The following UTP4 variants were observed in gnomAD, a reference collection of about 807,000 sequenced individuals.
UTP4 encodes the protein UTP4 small subunit processome component.
In UTP4, 45 loss-of-function variants were observed where a neutral mutation model predicts 82.4. The ratio of observed to expected loss-of-function variants is 0.55; its 90% CI spans 0.43 to 0.70. The LOEUF (loss-of-function observed/expected upper bound fraction) is 0.70, where lower values mean the gene tolerates loss of function less well. UTP4 is among the 30% of genes least tolerant of loss of function. UTP4 has a pLI of 0.00. For synonymous variants in UTP4, 348 were observed against 300.3 expected (o/e 1.16, Z -1.64); for missense variants, 819 against 858.3 (o/e 0.95, Z 0.57).
chr16:69,156,923 G>T (rs1247002938), intron 11 of UTP4, among the ~76,000 whole-genome samples, 161 bp from the exon 12 acceptor site: 1 of 152,192 alleles, frequency 6.6e-6, no homozygotes, highest in South Asian at 2.1e-4. Flanking sequence ...GATGAAAGGG[G>T]GATGTATAGA....
chr16:69,162,942 A>G (rs1208920133), intron 13 of UTP4, 141 bp from the exon 14 acceptor site: 1 of 744,020 alleles, frequency 1.3e-6, no homozygotes, highest in Admixed American at 1.9e-5. Context: ...GGTTGGGGAA[A>G]TGCCTGAAAT....
At chr16:69,150,966 C>T in intron 8 of UTP4, 62 bp downstream of exon 8, 4 of 1,301,542 alleles carry the variant, frequency 3.1e-6, no homozygotes, top group South Asian at 1.2e-5. Flanking sequence ...TCCCCCTGTC[C>T]CACAAGCTCT....
chr16:69,148,612 A>G (rs901484172), intron 6 of UTP4, among the ~76,000 whole-genome samples: 2 of 142,160 alleles, frequency 1.4e-5, no homozygotes, highest in Non-Finnish European at 3.1e-5. Flanking sequence ...TATCTTCATT[A>G]CTTTTTTTTT....
chr16:69,167,853 A>T (rs1300805063), intron 16 of UTP4: 3 of 152,114 alleles, frequency 2.0e-5, no homozygotes, highest in Admixed American at 6.6e-5. Context: ...AAAAAAAAAA[A>T]AAATATAAAA....
chr16:69,137,728 G>T (rs1039544664), intron 3 of UTP4, 73 bp from the exon 4 acceptor site: 60 of 655,630 alleles, frequency 9.2e-5, no homozygotes, highest in Non-Finnish European at 1.4e-4. Context: ...GTGTTGGGGG[G>T]TGTGTGTGTG....
chr16:69,150,763 C>G (rs753215941), intron 7 of UTP4, 50 bp from the exon 8 acceptor site: 1 of 1,613,468 alleles, frequency 6.2e-7, no homozygotes, highest in South Asian at 1.1e-5. Context: ...TCTGGCTGTT[C>G]TCGTGAGGAT....
intron 8 of UTP4, 27 bp from the exon 9 acceptor site, chr16:69,153,553 ATTTT>A: frequency 6.4e-7 from 1 of 1,557,134 alleles, no homozygotes; most frequent in Non-Finnish European, 8.8e-7. Flanking sequence ...ACCCTGACTT[ATTTT>A]TTTAACTTCT....
intron 12 of UTP4, among the ~76,000 whole-genome samples, chr16:69,158,234 C>G (rs141490423): frequency 8.4e-6 from 1 of 118,736 alleles, no homozygotes; most frequent in South Asian, 3.0e-4. Flanking sequence ...TGCAGTGGTG[C>G]GATCATGGCT....
At chr16:69,160,899 C>G (rs1009027996) in intron 13 of UTP4, among the ~76,000 whole-genome samples, 4 of 151,982 alleles carry the variant, frequency 2.6e-5, no homozygotes, top group Non-Finnish European at 2.9e-5. Context: ...CCTGGCCAGA[C>G]TTTTTTCTTT....
At chr16:69,138,034 C>T in intron 4 of UTP4, 149 bp downstream of exon 4, 2 of 663,526 alleles carry the variant, frequency 3.0e-6, no homozygotes, top group African/African-American at 1.8e-5. Flanking sequence ...CCATCCCCAG[C>T]CCAGGCTTTA....
intron 6 of UTP4, among the ~76,000 whole-genome samples, chr16:69,146,414 C>G (rs1466665251): frequency 6.6e-5 from 10 of 152,180 alleles, no homozygotes; most frequent in Admixed American, 6.5e-4. Context: ...GCTTATTTTA[C>G]TTAGCATATT....
intron 6 of UTP4, among the ~76,000 whole-genome samples, chr16:69,146,770 G>C (rs1439833588): frequency 1.3e-5 from 2 of 151,948 alleles, no homozygotes; most frequent in Non-Finnish European, 2.9e-5. Context: ...GCCGAGGCGG[G>C]TGGATCACGA....
intron 6 of UTP4, among the ~76,000 whole-genome samples, chr16:69,147,535 G>A (rs1227425592): frequency 2.0e-5 from 3 of 151,872 alleles, no homozygotes; most frequent in Non-Finnish European, 4.4e-5. Context: ...AAATAATAAT[G>A]CTACTCTGAA....
At chr16:69,142,963 C>T (rs1216333772) in intron 5 of UTP4, among the ~76,000 whole-genome samples, 2 of 152,162 alleles carry the variant, frequency 1.3e-5, no homozygotes, top group Admixed American at 1.3e-4. Flanking sequence ...ACCAGAACTA[C>T]CATTTATAGG....
chr16:69,138,753 A>G (rs1396129525), intron 4 of UTP4, among the ~76,000 whole-genome samples: 1 of 152,194 alleles, frequency 6.6e-6, no homozygotes, highest in East Asian at 1.9e-4. Context: ...GTGCAAAAGC[A>G]GCCATAGACG....
At chr16:69,158,336 T>C (rs891571969) in intron 12 of UTP4, among the ~76,000 whole-genome samples, 1 of 151,636 alleles carries the variant, frequency 6.6e-6, no homozygotes, top group African/African-American at 2.4e-5. Flanking sequence ...AGCTAAGTTT[T>C]GTATTTTTGT....
chr16:69,152,819 T>A (rs1209281282), intron 8 of UTP4, among the ~76,000 whole-genome samples: 2 of 152,048 alleles, frequency 1.3e-5, no homozygotes, highest in Non-Finnish European at 2.9e-5. Context: ...AGGCAAGATC[T>A]CACTATCTTG....
Position 69,159,715 on chromosome 16 carries a change from C to T in UTP4, c.1445-641C>T, listed in dbSNP as rs570270734. ...AAAGAAAAAAGAAAGAGGCCAGGCA[C>T]GGTGGCTCACGCCTGTAATCCCAGC... On this transcript the variant is annotated intron_variant, in intron 12 of 16. Transcript: ENST00000314423. Among the ~76,000 whole-genome samples, 21 of 150,734 alleles carry T rather than the reference C, an allele frequency of 1.4e-4. 1 individual carries two copies. In the South Asian group the frequency reaches 2.7e-3, roughly 20 times the overall value.
rs11864030 is a variant in UTP4, at chr16:69,156,005, T to A, written c.1287+12T>A. The A allele has an allele frequency of 1.9e-6, 3 of 1,614,008 alleles. No individual in the cohort carries two copies. Among genetic ancestry groups the A allele is most frequent in the Non-Finnish European group, 2.5e-6 (3 of 1,179,874 alleles). On this transcript the variant is annotated intron_variant, in intron 11 of 16. Coordinates refer to ENST00000314423, the MANE Select transcript of UTP4 (RefSeq NM_032830.3). ...TAAGCCTCAAAAGGGTAAGTGATAGTCCAATATCTGGTCACATAAGAGGAA... is the reference window on the plus strand; with the variant it reads ...TAAGCCTCAAAAGGGTAAGTGATAGACCAATATCTGGTCACATAAGAGGAA...
Sources: gnomAD v4.1 joint callset for allele counts (sites outside exome capture counted in the v4.1 genomes callset) on GRCh38, gnomAD v4.1.1 for gene constraint, MANE v1.5 for transcripts, NCBI Gene and HGNC (gene_info 2026-07-23, HGNC 2026-07-21) for gene names.